The following SVIL variants were observed in gnomAD, a reference collection of about 807,000 sequenced individuals.
SVIL encodes supervillin.
A neutral mutation model predicts 240.4 loss-of-function variants in SVIL; 101 were observed. The ratio of observed to expected loss-of-function variants is 0.42; its 90% CI spans 0.36 to 0.50. SVIL has a LOEUF of 0.50. SVIL is among the 20% of genes least tolerant of loss of function. The probability of loss-of-function intolerance (pLI) is 0.01; values close to 1 mark genes in which losing one functional copy is unlikely to be tolerated. For synonymous variants in SVIL, 999 were observed against 1,100.0 expected, an observed-to-expected ratio of 0.91 and a Z score of 1.82; for missense variants, 2,512 against 2,818.7, an observed-to-expected ratio of 0.89 and a Z score of 2.46.
chr10:29,663,533 T>A (rs992644013), intron 2 of SVIL, among the ~76,000 whole-genome samples: 5 of 152,176 alleles, frequency 3.3e-5, no homozygotes, highest in African/African-American at 1.2e-4. Context: ...ATTTTTGTAT[T>A]TTAGTAGAGA....
At chr10:29,643,694 T>G (rs1233848695) in intron 3 of SVIL, among the ~76,000 whole-genome samples, 2 of 152,252 alleles carry the variant, frequency 1.3e-5, no homozygotes, top group Non-Finnish European at 2.9e-5. Flanking sequence ...TCTTTCTGTC[T>G]GTCTGGTCTC....
rs766222089 is a variant in SVIL at position 29,465,696 on chromosome 10, C to T, written c.6032G>A (p.Gly2011Glu). Residue 2011 changes from glycine (G) to glutamate (E), a missense_variant, in exon 34 of 38, where the codon GGG (glycine) becomes GAG (glutamate). Gly to Glu is a moderately conservative substitution (Grantham distance 98, BLOSUM62 -2). Transcript: ENST00000355867. ...CACAAACTCTGTGGCTGCAAAATCCCCAGAGGAGCTGCTGAGGATGAACAG... is the reference window on the plus strand; with the variant it reads ...CACAAACTCTGTGGCTGCAAAATCCTCAGAGGAGCTGCTGAGGATGAACAG... ...PRLFILSSSSGDFAATEFVYP... is the reference protein window; with the variant it reads ...PRLFILSSSSEDFAATEFVYP... The T allele has an allele frequency of 1.2e-6, 2 of 1,613,154 alleles. No individual in the cohort carries two copies. The highest frequency in any genetic ancestry group is 2.2e-5 in the South Asian group (2 of 91,058).
intron 1 of SVIL, among the ~76,000 whole-genome samples, chr10:29,613,618 G>A (rs566454079): frequency 1.3e-5 from 2 of 152,162 alleles, no homozygotes; most frequent in Non-Finnish European, 2.9e-5. Context: ...GATTACAGGC[G>A]TGGGGCCTGG....
chr10:29,701,551 G>A (rs916310300), intron 1 of SVIL, among the ~76,000 whole-genome samples: 2 of 151,828 alleles, frequency 1.3e-5, no homozygotes, highest in African/African-American at 4.8e-5. Context: ...AAGTAACAGG[G>A]AAAATTTTAA....
In SVIL at chr10:29,735,291, C is replaced by A. The variant is rs376179810; in HGVS notation, c.-400+460G>T. Reference sequence around the variant, plus strand: ...GAGCCACCGCAGCTCCGGCCACTTGCGGCTGGTGTCGGGAAAGGAACCGGG... The same window carrying A: ...GAGCCACCGCAGCTCCGGCCACTTGAGGCTGGTGTCGGGAAAGGAACCGGG... On this transcript the variant is annotated intron_variant, in intron 1 of 35. Coordinates refer to the SVIL transcript ENST00000375400. The surrounding 1 kb of genome is among the most constrained non-coding windows in gnomAD (Gnocchi z 4.1). Among the ~76,000 whole-genome samples the A allele has an allele frequency of 6.6e-6, 1 of 151,770 alleles. No homozygotes were observed. Among genetic ancestry groups the A allele is most frequent in the Non-Finnish European group, 1.5e-5 (1 of 67,914 alleles).
chr10:29,484,812 C>T lies in SVIL; in HGVS notation c.4799G>A (p.Gly1600Asp). 2 of 1,610,550 alleles carry T rather than the reference C, an allele frequency of 1.2e-6. No individual in the cohort carries two copies. ...CCCATGCCATACGTAAACTTCACTA[C>T]CAAAATCAAACACCAGTACCTGGGA... The part of the protein sequence containing the change: ...QPKEVLVFDF[G>D]SEVYVWHGKE... The change falls in exon 27 of 38, where the codon GGT becomes GAT. Residue 1600 changes from glycine (G) to aspartate (D), a missense_variant. Gly to Asp is a moderately conservative substitution (Grantham distance 94). Transcript: ENST00000355867. This position sits in a 1 kb window ranked among gnomAD's most constrained non-coding sequence, Gnocchi z 4.7.
Position 29,465,600 on chromosome 10 carries a change from T to C in SVIL, c.6128A>G (p.Gln2043Arg), listed in dbSNP as rs994339440. 1 of 1,604,770 alleles carries C rather than the reference T, an allele frequency of 6.2e-7. No homozygotes were observed. Among genetic ancestry groups the C allele is most frequent in the Non-Finnish European group, 8.5e-7 (1 of 1,175,124 alleles). The change falls in exon 34 of 38, where the codon CAG becomes CGG. Residue 2043 changes from glutamine to arginine, a missense_variant. Physicochemically the swap from Gln to Arg is conservative, Grantham distance 43. Transcript: ENST00000355867. ...CTGCCCCCTGCAGGCCTTACCTGGC[T>C]GGGGCGCGCTGTACAGATCTTCCTG... Reference protein sequence around the residue: ...FLQEDLYSAPQPALFLVDNHH... With the variant: ...FLQEDLYSAPRPALFLVDNHH...
chr10:29,466,274 T>C (rs1440716376), intron 33 of SVIL, among the ~76,000 whole-genome samples: 1 of 151,884 alleles, frequency 6.6e-6, no homozygotes, highest in Non-Finnish European at 1.5e-5. Flanking sequence ...TTGTATTTTA[T>C]ATACATTATA....
intron 2 of SVIL, among the ~76,000 whole-genome samples, chr10:29,685,749 G>T (rs1023574076): frequency 3.3e-5 from 5 of 152,146 alleles, no homozygotes; most frequent in Admixed American, 3.3e-4. Context: ...TCAGTTGTTT[G>T]CCTGAACTCC....
intron 3 of SVIL, among the ~76,000 whole-genome samples, chr10:29,652,973 A>T (rs1589455584): frequency 6.8e-6 from 1 of 147,136 alleles, no homozygotes; most frequent in Admixed American, 6.8e-5. Flanking sequence ...ATTTTCTCCC[A>T]TTCTGTGAAT....
intron 6 of SVIL, among the ~76,000 whole-genome samples, chr10:29,548,491 A>T (rs1424538376): frequency 1.3e-5 from 2 of 152,130 alleles, no homozygotes; most frequent in Non-Finnish European, 2.9e-5. Flanking sequence ...GTAAACATAT[A>T]TTCTCTTCTG....
chr10:29,622,249 C>CAG (rs757533181), intron 1 of SVIL, among the ~76,000 whole-genome samples: 2 of 51,634 alleles, frequency 3.9e-5, no homozygotes, highest in Non-Finnish European at 6.2e-5. Context: ...GACTCCGTCT[C>CAG]AAAAAAAAAA....
intron 36 of SVIL, among the ~76,000 whole-genome samples, chr10:29,461,780 TTAA>T: frequency 6.6e-6 from 1 of 152,284 alleles, no homozygotes; most frequent in South Asian, 2.1e-4. Context: ...AAAGACAATA[TTAA>T]TGAGATGTTG....
intron 6 of SVIL, among the ~76,000 whole-genome samples, chr10:29,541,837 C>T (rs563918952): frequency 8.3e-4 from 127 of 152,150 alleles, no homozygotes; most frequent in Non-Finnish European, 1.6e-3. Context: ...CACAAGTGGC[C>T]GATGATTTTC....
chr10:29,535,932 A>T, intron 7 of SVIL, 57 bp downstream of exon 7: 1 of 1,562,056 alleles, frequency 6.4e-7, no homozygotes. Context: ...ATGTGTGGTC[A>T]GGCAGGAGGA....
chr10:29,540,972 T>C (rs1306744548), intron 6 of SVIL, among the ~76,000 whole-genome samples: 2 of 152,196 alleles, frequency 1.3e-5, no homozygotes, highest in Admixed American at 1.3e-4. Context: ...GATTTTAAAA[T>C]ATTTCATTCC....
At chr10:29,549,766 G>T (rs1233829337) in intron 6 of SVIL, among the ~76,000 whole-genome samples, 1 of 141,538 alleles carries the variant, frequency 7.1e-6, no homozygotes, top group African/African-American at 2.6e-5. Flanking sequence ...GTAAACTATC[G>T]CAAAAACAAA....
intron 2 of SVIL, among the ~76,000 whole-genome samples, chr10:29,673,840 G>A (rs1192190489): frequency 2.0e-5 from 3 of 152,092 alleles, no homozygotes; most frequent in African/African-American, 7.2e-5. Flanking sequence ...CAAAGTACAG[G>A]GTTAACATTT....
At chr10:29,686,890 T>C (rs755370309) in intron 1 of SVIL, among the ~76,000 whole-genome samples, 17 of 152,176 alleles carry the variant, frequency 1.1e-4, no homozygotes, top group Admixed American at 1.0e-3. Context: ...TGACTAAAAT[T>C]GTTTTGATTG....
Sources: gnomAD v4.1 joint callset for allele counts (sites outside exome capture counted in the v4.1 genomes callset) on GRCh38, gnomAD v4.1.1 for gene constraint, Gnocchi (gnomAD v3.1) non-coding constraint, MANE v1.5 for transcripts, NCBI Gene and HGNC (gene_info 2026-07-23, HGNC 2026-07-21) for gene names.